SLC5A1: variants seen among roughly 807,000 people sequenced by gnomAD.
SLC5A1 encodes sodium/glucose cotransporter 1.
Under a neutral mutation model 73.5 loss-of-function variants are expected in SLC5A1, and 42 were observed. The ratio of observed to expected loss-of-function variants is 0.57; its 90% CI spans 0.45 to 0.74. The LOEUF is 0.74. Among genes scored for constraint, SLC5A1 ranks in the 30% least tolerant of loss-of-function variants. The pLI, the probability that SLC5A1 is intolerant of heterozygous loss-of-function variation, is 0.00. For synonymous variants in SLC5A1, 300 were observed against 317.4 expected, an observed-to-expected ratio of 0.95 and a Z score of 0.58; for missense variants, 634 against 855.4, an observed-to-expected ratio of 0.74 and a Z score of 3.23.
intron 5 of SLC5A1, among the ~76,000 whole-genome samples, chr22:32,079,788 G>A (rs1257976353): frequency 6.6e-6 from 1 of 151,924 alleles, no homozygotes; most frequent in Non-Finnish European, 1.5e-5. Context: ...AGAGGAGAGG[G>A]ACCAGCATTA....
At position 32,060,199 on chromosome 22, in the gene SLC5A1, A is replaced by ATATTTTT. The variant is rs1555962203; in HGVS notation, c.208-6735_208-6734insATTTTTT. On this transcript the variant is annotated intron_variant, in intron 2 of 14. Coordinates refer to ENST00000266088, the MANE Select transcript of SLC5A1 (RefSeq NM_000343.4). ...CACACACACACACATATATATATAT[A>ATATTTTT]TTTTTTTAAGAGATGGAACTTTGCT... Among the ~76,000 whole-genome samples the ATATTTTT allele has an allele frequency of 1.7e-3, 231 of 136,654 alleles. 1 individual carries two copies. Among genetic ancestry groups the ATATTTTT allele is most frequent in the Non-Finnish European group, 2.5e-3 (158 of 63,600 alleles). The allele number at this position is 136,654 out of a possible 152,430, so 89.7% of individuals were successfully genotyped here.
At chr22:32,084,810 C>A in intron 8 of SLC5A1, 90 bp from the exon 9 acceptor site, 1 of 1,581,538 alleles carries the variant, frequency 6.3e-7, no homozygotes, top group South Asian at 1.1e-5. Context: ...CAGTGCCAGG[C>A]CAATGACCCA....
At chr22:32,067,546 A>AT (rs908351843) in intron 3 of SLC5A1, among the ~76,000 whole-genome samples, 1 of 151,632 alleles carries the variant, frequency 6.6e-6, no homozygotes, top group Non-Finnish European at 1.5e-5. Context: ...GAATTTTTTA[A>AT]TTTTTTGTAG....
At chr22:32,071,600 T>C (rs1246102067) in intron 5 of SLC5A1, among the ~76,000 whole-genome samples, 1 of 152,004 alleles carries the variant, frequency 6.6e-6, no homozygotes, top group Non-Finnish European at 1.5e-5. Flanking sequence ...AGCTCCAGCT[T>C]TTCCCCTTAG....
intron 2 of SLC5A1, among the ~76,000 whole-genome samples, chr22:32,056,780 T>C (rs967239933): frequency 2.6e-5 from 4 of 152,314 alleles, no homozygotes; most frequent in Non-Finnish European, 4.4e-5. Context: ...AAATGTTTCC[T>C]GAAATTAGCT....
chr22:32,077,028 A>C (rs2093992041), intron 5 of SLC5A1, among the ~76,000 whole-genome samples: 4 of 152,204 alleles, frequency 2.6e-5, no homozygotes, highest in Admixed American at 2.6e-4. Context: ...TGCTTTAACA[A>C]CAGAGTGTGA....
At chr22:32,049,824 A>C (rs1175208831) in intron 1 of SLC5A1, 119 bp from the exon 2 acceptor site, 3 of 828,508 alleles carry the variant, frequency 3.6e-6, no homozygotes, top group African/African-American at 3.3e-5. Flanking sequence ...AAGGAATGTG[A>C]AAGTGTTTCA....
chr22:32,107,344 G>T (rs1314562527), intron 14 of SLC5A1, among the ~76,000 whole-genome samples: 1 of 152,148 alleles, frequency 6.6e-6, no homozygotes, highest in Non-Finnish European at 1.5e-5. Flanking sequence ...ACTTAACACT[G>T]GTGGGTGAAA....
intron 1 of SLC5A1, among the ~76,000 whole-genome samples, chr22:32,048,659 C>T (rs1036701043): frequency 3.3e-5 from 5 of 152,198 alleles, no homozygotes; most frequent in African/African-American, 1.2e-4. Context: ...TCCCTCTTCT[C>T]TAATAAAATT....
rs1242645910 is a variant in SLC5A1 at position 32,049,985 on chromosome 22, C to T, written c.178C>T (p.Leu60=). ...TCGTGGGACTGTTGGAGGCTTCTTCCTGGCAGGCCGAAGTATGGTGTGGTG... is the reference window on the plus strand; with the variant it reads ...TCGTGGGACTGTTGGAGGCTTCTTCTTGGCAGGCCGAAGTATGGTGTGGTG... ...TNRGTVGGFF[L]AGRSMVWWPI... is the part of the protein sequence containing the mutation. Residue 60 remains leucine, a synonymous_variant, in exon 2 of 15, where the codon CTG becomes TTG. Transcript: ENST00000266088. 1 of 1,614,148 alleles carries T rather than the reference C, an allele frequency of 6.2e-7. No homozygotes were observed. Among genetic ancestry groups the T allele is most frequent in the Admixed American group, 1.7e-5 (1 of 60,016 alleles).
chr22:32,102,208 C>T lies in SLC5A1; in HGVS notation c.1636C>T (p.Leu546Phe). 6.2e-7 allele frequency: 1 copy of T among 1,614,028 alleles called. No individual in the cohort carries two copies. The highest frequency in any genetic ancestry group is 2.2e-5 in the East Asian group (1 of 44,876). The change falls in exon 13 of 15, where the codon CTC (leucine) becomes TTC (phenylalanine). Residue 546 changes from leucine to phenylalanine, a missense_variant. By Grantham distance (22) the Leu-to-Phe change is conservative (BLOSUM62 0). Coordinates refer to ENST00000266088, the MANE Select transcript of SLC5A1 (RefSeq NM_000343.4). ...TTTCATCACCATCGTGGTCATCTCC[C>T]TCCTCACCAAACCCATTCCGGATGT... Reference protein sequence around the residue: ...ISFITIVVISLLTKPIPDVHL... With the variant: ...ISFITIVVISFLTKPIPDVHL...
chr22:32,085,094 C>T (rs1313039019), intron 9 of SLC5A1, 59 bp downstream of exon 9: 4 of 1,600,576 alleles, frequency 2.5e-6, no homozygotes, highest in African/African-American at 1.3e-5. Context: ...CAAGTCACTT[C>T]TAAAGCTCTA....
intron 14 of SLC5A1, among the ~76,000 whole-genome samples, chr22:32,106,873 T>C (rs2094047114): frequency 6.6e-6 from 1 of 152,190 alleles, no homozygotes; most frequent in Non-Finnish European, 1.5e-5. Context: ...TCACTCCATC[T>C]GAAGGAGAGC....
At chr22:32,089,110 C>T (rs1439427530) in intron 10 of SLC5A1, among the ~76,000 whole-genome samples, 5 of 152,218 alleles carry the variant, frequency 3.3e-5, no homozygotes, top group Admixed American at 3.3e-4. Flanking sequence ...TTACCAATTT[C>T]AAGGCAAAGT....
intron 11 of SLC5A1, among the ~76,000 whole-genome samples, chr22:32,098,973 C>T (rs968404004): frequency 6.6e-6 from 1 of 150,496 alleles, no homozygotes; most frequent in South Asian, 2.1e-4. Context: ...GTAGTCCCAG[C>T]TACTCAGGAG....
At position 32,073,652 on chromosome 22, in the gene SLC5A1, G is replaced by T. The variant is rs905414447; in HGVS notation, c.477+5052G>T. ...GCTCACTGCAACCTCCACCTCCCGG[G>T]TTCAAGTGATTCTCCTGCCTCAGCC... On this transcript the variant is annotated intron_variant, in intron 5 of 14. Transcript: ENST00000266088. 7.9e-5 allele frequency among the ~76,000 whole-genome samples: 12 copies of T among 152,034 alleles called. 1 individual carries two copies. The highest frequency in any genetic ancestry group is 3.9e-4 in the Admixed American group (6 of 15,256).
intron 2 of SLC5A1, among the ~76,000 whole-genome samples, chr22:32,057,097 C>A (rs2093953014): frequency 6.6e-6 from 1 of 152,094 alleles, no homozygotes; most frequent in Non-Finnish European, 1.5e-5. Flanking sequence ...ATGGCGGAAC[C>A]AAGATTAGAA....
intron 5 of SLC5A1, among the ~76,000 whole-genome samples, chr22:32,078,951 C>T (rs1194584356): frequency 1.4e-5 from 1 of 72,220 alleles, no homozygotes; most frequent in Non-Finnish European, 2.5e-5. Context: ...AAGACTCTGT[C>T]TCCAAAAAAA....
intron 13 of SLC5A1, among the ~76,000 whole-genome samples, chr22:32,103,668 A>G (rs1603144548): frequency 6.6e-6 from 1 of 152,274 alleles, no homozygotes; most frequent in East Asian, 1.9e-4. Flanking sequence ...AACAAAGCAC[A>G]TACCTAGTTA....
Sources: allele counts gnomAD v4.1 joint callset (sites outside exome capture counted in the v4.1 genomes callset), GRCh38; gene constraint gnomAD v4.1.1; transcripts MANE v1.5; gene names NCBI Gene and HGNC (gene_info 2026-07-23, HGNC 2026-07-21).